The following PTBP3 variants were observed in gnomAD, a reference collection of about 807,000 sequenced individuals.
PTBP3 encodes polypyrimidine tract binding protein 3.
PTBP3 carries 20 observed loss-of-function variants against 58.7 expected under a neutral mutation model. The ratio of observed to expected loss-of-function variants is 0.34; its 90% CI spans 0.24 to 0.50. The LOEUF (loss-of-function observed/expected upper bound fraction) is 0.50. Among genes scored for constraint, PTBP3 ranks in the 20% least tolerant of loss-of-function variants. The pLI is 0.98. For synonymous variants in PTBP3, 185 were observed against 219.8 expected (o/e 0.84, Z 1.40); for missense variants, 509 against 637.2 (o/e 0.80, Z 2.17).
intron 7 of PTBP3, among the ~76,000 whole-genome samples, chr9:112,238,262 T>C (rs1835511794): frequency 6.6e-6 from 1 of 152,094 alleles, no homozygotes; most frequent in Non-Finnish European, 1.5e-5. Flanking sequence ...TTTTTAAAAA[T>C]GAACCAAATA....
intron 1 of PTBP3, among the ~76,000 whole-genome samples, chr9:112,304,191 T>G (rs764292772): frequency 3.3e-5 from 5 of 152,122 alleles, no homozygotes; most frequent in Non-Finnish European, 7.3e-5. Flanking sequence ...AATGTATCCA[T>G]TTTTAGTACC....
At chr9:112,289,789 G>GTA (rs771097663) in intron 2 of PTBP3, among the ~76,000 whole-genome samples, 2 of 152,118 alleles carry the variant, frequency 1.3e-5, no homozygotes, top group Non-Finnish European at 2.9e-5. Flanking sequence ...TTGTGTGTGT[G>GTA]TATATATACA....
At chr9:112,347,590 G>A in the PTBP3 span, among the ~76,000 whole-genome samples, 1 of 152,086 alleles carries the variant, frequency 6.6e-6, no homozygotes, top group African/African-American at 2.4e-5. Flanking sequence ...TGATCCACCT[G>A]TCTTGGCCTC....
chr9:112,250,613 T>C (rs1486370976), intron 7 of PTBP3, among the ~76,000 whole-genome samples: 1 of 152,208 alleles, frequency 6.6e-6, no homozygotes, highest in Non-Finnish European at 1.5e-5. Flanking sequence ...TTATTATGGC[T>C]ATAAACTAGC....
At chr9:112,245,926 ACCT>A (rs1193851477) in intron 7 of PTBP3, among the ~76,000 whole-genome samples, 4 of 152,124 alleles carry the variant, frequency 2.6e-5, no homozygotes, top group Non-Finnish European at 5.9e-5. Context: ...ATGATAAGAA[ACCT>A]CATCCTCTCA....
intron 5 of PTBP3, among the ~76,000 whole-genome samples, chr9:112,259,691 T>C (rs1053462394): frequency 2.6e-5 from 4 of 152,206 alleles, no homozygotes; most frequent in Admixed American, 1.3e-4. Flanking sequence ...TTAGTTTCTA[T>C]AGATGTTAGA....
At chr9:112,287,250 T>C (rs1828165192) in intron 2 of PTBP3, among the ~76,000 whole-genome samples, 1 of 152,106 alleles carries the variant, frequency 6.6e-6, no homozygotes, top group African/African-American at 2.4e-5. Context: ...ACCATTTTTT[T>C]CAGCAACTTC....
At chr9:112,227,354 A>G in intron 12 of PTBP3, 57 bp downstream of exon 12, 2 of 1,563,006 alleles carry the variant, frequency 1.3e-6, no homozygotes, top group Admixed American at 3.3e-5. Flanking sequence ...CCTCTCCTAC[A>G]TCACATATTG....
chr9:112,364,174 GTTCTTTTTT>G, the PTBP3 span, among the ~76,000 whole-genome samples: 1 of 79,844 alleles, frequency 1.3e-5, no homozygotes, highest in Non-Finnish European at 2.3e-5. Context: ...TGCTAGGTCA[GTTCTTTTTT>G]TTTTTTTTTT....
the PTBP3 span, among the ~76,000 whole-genome samples, chr9:112,354,339 G>A: frequency 6.6e-6 from 1 of 152,168 alleles, no homozygotes; most frequent in African/African-American, 2.4e-5. Flanking sequence ...ATATTTCACT[G>A]CAGATGATCC....
In PTBP3 at chr9:112,223,904, C is replaced by T. The variant is rs867461045; in HGVS notation, c.1522G>A (p.Asp508Asn). The T allele has an allele frequency of 6.2e-7, 1 of 1,613,530 alleles. No homozygotes were observed. Among genetic ancestry groups the T allele is most frequent in the African/African-American group, 1.3e-5 (1 of 74,882 alleles). Residue 508 changes from aspartate (D) to asparagine (N), a missense_variant, in exon 14 of 14, where the codon GAC becomes AAC. By Grantham distance (23) the Asp-to-Asn change is conservative. Coordinates refer to ENST00000374257, the MANE Select transcript of PTBP3 (RefSeq NM_001163788.4). Reference protein sequence around the residue: ...IQALIELHNHDLGENHHLRVS... With the variant: ...IQALIELHNHNLGENHHLRVS... ...CTGAGGTGGTGATTTTCTCCAAGGT[C>T]ATGGTTATGAAGCTCAATGAGGGCC...
intron 1 of PTBP3, among the ~76,000 whole-genome samples, chr9:112,331,660 GGGCAA>G (rs762603345): frequency 8.5e-5 from 13 of 152,246 alleles, no homozygotes; most frequent in East Asian, 5.8e-4. Context: ...CTGATACAAA[GGGCAA>G]ATCATGCTCC....
the PTBP3 span, among the ~76,000 whole-genome samples, chr9:112,379,001 A>G: frequency 1.3e-5 from 2 of 152,214 alleles, no homozygotes; most frequent in African/African-American, 2.4e-5. Context: ...AGCCAGCCCA[A>G]CATGGCGAAA....
chr9:112,237,976 A>T (rs1835499550), intron 7 of PTBP3, among the ~76,000 whole-genome samples: 1 of 152,162 alleles, frequency 6.6e-6, no homozygotes, highest in Non-Finnish European at 1.5e-5. Flanking sequence ...GGTTGAAATG[A>T]TCCTGAACGT....
At chr9:112,332,907 A>AGACCTCGGCCAAGTCCCGC in intron 1 of PTBP3, 1 of 1,581,918 alleles carries the variant, frequency 6.3e-7, no homozygotes, top group South Asian at 1.2e-5. Context: ...ACAAGTCGGG[A>AGACCTCGGCCAAGTCCCGC]GACCTCGGCC....
intron 4 of PTBP3, among the ~76,000 whole-genome samples, chr9:112,263,082 G>A (rs1470021438): frequency 6.6e-6 from 1 of 152,128 alleles, no homozygotes; most frequent in Non-Finnish European, 1.5e-5. Flanking sequence ...TTGTTTTGGG[G>A]CAGGGGGAGG....
At chr9:112,287,014 C>A (rs541393761) in intron 2 of PTBP3, among the ~76,000 whole-genome samples, 1 of 152,104 alleles carries the variant, frequency 6.6e-6, no homozygotes, top group Non-Finnish European at 1.5e-5. Flanking sequence ...GTGGTCCCCC[C>A]TCATCCGTCT....
chr9:112,299,689 T>C (rs1419002642), intron 1 of PTBP3, among the ~76,000 whole-genome samples: 2 of 152,170 alleles, frequency 1.3e-5, no homozygotes, highest in Non-Finnish European at 2.9e-5. Flanking sequence ...TGACTTGCAA[T>C]GCCTCCAGTG....
intron 1 of PTBP3, among the ~76,000 whole-genome samples, chr9:112,303,389 A>T (rs544743534): frequency 6.6e-6 from 1 of 152,230 alleles, no homozygotes; most frequent in Non-Finnish European, 1.5e-5. Context: ...TCCTGTATGT[A>T]TAATTATCAA....
Sources: gnomAD v4.1 joint callset for allele counts (sites outside exome capture counted in the v4.1 genomes callset) on GRCh38, gnomAD v4.1.1 for gene constraint, MANE v1.5 for transcripts, NCBI Gene and HGNC (gene_info 2026-07-23, HGNC 2026-07-21) for gene names.